The following MEGF11 variants were observed in gnomAD, a reference collection of about 807,000 sequenced individuals.
MEGF11 encodes multiple EGF like domains 11.
A neutral mutation model predicts 146.6 loss-of-function variants in MEGF11; 126 were observed. That is an observed-to-expected ratio of 0.86 (90% confidence interval 0.74 to 1.00). MEGF11 has a LOEUF of 1.00. Among genes scored for constraint, MEGF11 ranks in the 50% least tolerant of loss-of-function variants. The pLI is 0.00. For missense variants in MEGF11, 1,509 were observed against 1,521.2 expected (o/e 0.99, Z 0.13); for synonymous variants, 532 against 583.4 (o/e 0.91, Z 1.27).
At chr15:66,247,983 C>CA (rs66701917) in intron 1 of MEGF11, among the ~76,000 whole-genome samples, 12,825 of 125,798 alleles carry the variant, frequency 0.1, 1,504 homozygotes, top group African/African-American at 0.3. Context: ...ACTCCGTCTC[C>CA]AAAAAAAAAA....
chr15:66,051,728 C>T (rs1234501484), intron 5 of MEGF11, among the ~76,000 whole-genome samples: 1 of 152,082 alleles, frequency 6.6e-6, no homozygotes, highest in Non-Finnish European at 1.5e-5. Flanking sequence ...CACAGCTGAC[C>T]AGGGCTTAGA....
At chr15:65,965,197 T>TCCTCCTGGCCATCTGGC (rs569884089) in intron 8 of MEGF11, 77 bp from the exon 9 acceptor site, 1,376 of 1,264,264 alleles carry the variant, frequency 1.1e-3, no homozygotes, top group Non-Finnish European at 1.4e-3. Flanking sequence ...CAGGATGTGG[T>TCCTCCTGGCCATCTGGC]CCTCCTGGCC....
intron 4 of MEGF11, among the ~76,000 whole-genome samples, chr15:66,096,783 C>G (rs11071857): frequency 0.49 from 74,426 of 152,100 alleles, 19,841 homozygotes; most frequent in Non-Finnish European, 0.59. Flanking sequence ...AGAGACCCAG[C>G]CCATCTGCCT....
intron 5 of MEGF11, among the ~76,000 whole-genome samples, chr15:66,028,241 C>A (rs2083402867): frequency 6.6e-6 from 1 of 152,208 alleles, no homozygotes. Context: ...CCAGCACAGA[C>A]CCTGCCACAT....
intron 1 of MEGF11, among the ~76,000 whole-genome samples, chr15:66,133,792 GA>G (rs137986968): frequency 1.7e-4 from 26 of 152,100 alleles, no homozygotes; most frequent in Non-Finnish European, 2.9e-4. Flanking sequence ...TAAAAAAAAA[GA>G]AAAAAAGTTT....
chr15:65,952,732 A>T lies in MEGF11; in HGVS notation c.1287+4815T>A, dbSNP rs1367744218. On this transcript the variant is annotated intron_variant, in intron 10 of 25. Transcript: ENST00000395614. ...CTGTTTCCGATGGGCAGGGAATTTC[A>T]TTCCCATTTTATAGATGAGAAATAG... is the stretch of plus-strand genomic sequence containing the variant. 2.6e-5 allele frequency among the ~76,000 whole-genome samples: 4 copies of T among 152,210 alleles called. No homozygotes were observed. In the East Asian group the frequency reaches 7.7e-4, roughly 29 times the overall value.
At chr15:66,215,934 C>A (rs2091571184) in intron 1 of MEGF11, among the ~76,000 whole-genome samples, 1 of 152,182 alleles carries the variant, frequency 6.6e-6, no homozygotes, top group Admixed American at 6.5e-5. Flanking sequence ...GAAAATCATT[C>A]TCAACCGAGG....
intron 11 of MEGF11, 58 bp downstream of exon 11, chr15:65,930,738 CCCACCTGAGACCCCTCAGCTGGCAGCA>C (rs2079547086): frequency 6.9e-7 from 1 of 1,456,758 alleles, no homozygotes; most frequent in Non-Finnish European, 9.2e-7. Context: ...TTGGGGCAGC[CCCACCTGAGACCCCTCAGCTGGCAGCA>C]CCACCTGGGG....
intron 5 of MEGF11, among the ~76,000 whole-genome samples, chr15:66,045,224 T>C (rs1247897456): frequency 6.6e-6 from 1 of 152,222 alleles, no homozygotes; most frequent in African/African-American, 2.4e-5. Context: ...CTACTATCTC[T>C]ACCTGAGGCT....
At chr15:66,200,824 G>A (rs1204198630) in intron 1 of MEGF11, among the ~76,000 whole-genome samples, 2 of 152,134 alleles carry the variant, frequency 1.3e-5, no homozygotes, top group African/African-American at 4.8e-5. Flanking sequence ...AGGGGTTGGT[G>A]AATCGCCTCT....
intron 5 of MEGF11, among the ~76,000 whole-genome samples, chr15:66,072,093 G>A (rs1048338472): frequency 7.2e-5 from 11 of 152,162 alleles, no homozygotes; most frequent in South Asian, 2.1e-4. Context: ...GTCCCCAGCC[G>A]CCCTGCCCTA....
At chr15:65,981,652 G>A (rs1199484574) in intron 6 of MEGF11, among the ~76,000 whole-genome samples, 3 of 152,264 alleles carry the variant, frequency 2.0e-5, no homozygotes, top group Non-Finnish European at 2.9e-5. Context: ...CTCTGAGGGG[G>A]TCTCAGCTAA....
chr15:65,952,002 TA>T (rs1239198659), intron 10 of MEGF11, among the ~76,000 whole-genome samples: 2 of 152,082 alleles, frequency 1.3e-5, no homozygotes, highest in African/African-American at 4.8e-5. Context: ...GCCCTATCTC[TA>T]AAAAAAATTT....
chr15:66,236,925 A>G lies in MEGF11; in HGVS notation c.-9+16680T>C, dbSNP rs144211121. On this transcript the variant is annotated intron_variant, in intron 1 of 25. Coordinates refer to ENST00000395614, the MANE Select transcript of MEGF11 (RefSeq NM_001385028.1). Reference sequence around the variant, plus strand: ...TGCTGTCCCCGCCATCTCAATCTTGATATTCACCTCAATCATTCTCAGGAC... The same window carrying G: ...TGCTGTCCCCGCCATCTCAATCTTGGTATTCACCTCAATCATTCTCAGGAC... 3.1e-3 allele frequency among the ~76,000 whole-genome samples: 474 copies of G among 152,214 alleles called. 2 individuals carry two copies. The highest frequency in any genetic ancestry group is 0.011 in the African/African-American group (442 of 41,522).
At chr15:66,246,728 T>C (rs2092301379) in intron 1 of MEGF11, among the ~76,000 whole-genome samples, 2 of 152,062 alleles carry the variant, frequency 1.3e-5, no homozygotes, top group Admixed American at 6.5e-5. Context: ...GGAGAATCGT[T>C]TGACCCAAGC....
At chr15:66,034,972 AC>A (rs2083672352) in intron 5 of MEGF11, among the ~76,000 whole-genome samples, 1 of 152,158 alleles carries the variant, frequency 6.6e-6, no homozygotes, top group African/African-American at 2.4e-5. Context: ...CCATGTTATG[AC>A]ACAGCAAGAA....
chr15:66,146,054 T>G (rs1395902998), intron 1 of MEGF11, among the ~76,000 whole-genome samples: 1 of 152,114 alleles, frequency 6.6e-6, no homozygotes, highest in Non-Finnish European at 1.5e-5. Context: ...CCCCTGGGTG[T>G]TGTGTCATAT....
chr15:66,164,923 G>C (rs1184531583), intron 1 of MEGF11, among the ~76,000 whole-genome samples: 2 of 152,218 alleles, frequency 1.3e-5, no homozygotes, highest in African/African-American at 4.8e-5. Flanking sequence ...GTCCCCACCA[G>C]GGAGGGGGCT....
At chr15:65,981,650 G>A (rs2081642260) in intron 6 of MEGF11, among the ~76,000 whole-genome samples, 1 of 152,108 alleles carries the variant, frequency 6.6e-6, no homozygotes, top group South Asian at 2.1e-4. Context: ...GCCTCTGAGG[G>A]GGTCTCAGCT....
Sources: gnomAD v4.1 joint callset for allele counts (sites outside exome capture counted in the v4.1 genomes callset) on GRCh38, gnomAD v4.1.1 for gene constraint, MANE v1.5 for transcripts, NCBI Gene and HGNC (gene_info 2026-07-23, HGNC 2026-07-21) for gene names.